The following IL20RA variants were observed in gnomAD, a reference collection of about 807,000 sequenced individuals.
IL20RA encodes the protein interleukin-20 receptor subunit alpha.
A neutral mutation model predicts 36.5 loss-of-function variants in IL20RA; 29 were observed. The ratio of observed to expected loss-of-function variants is 0.79; its 90% CI spans 0.59 to 1.08. IL20RA has a LOEUF of 1.08. IL20RA is among the 50% of genes least tolerant of loss of function. IL20RA has a pLI of 0.00. For missense variants in IL20RA, 652 were observed against 668.4 expected (o/e 0.98, Z 0.27); for synonymous variants, 279 against 267.1 (o/e 1.04, Z -0.43).
At chr6:137,007,303 A>C (rs1472752879) in intron 5 of IL20RA, among the ~76,000 whole-genome samples, 1 of 152,262 alleles carries the variant, frequency 6.6e-6, no homozygotes, top group Non-Finnish European at 1.5e-5. Context: ...AAAGACAGAG[A>C]GTCAAAGGCA....
chr6:137,009,718 G>A (rs1482836211), intron 3 of IL20RA, among the ~76,000 whole-genome samples: 1 of 146,992 alleles, frequency 6.8e-6, no homozygotes, highest in Non-Finnish European at 1.5e-5. Flanking sequence ...CGATTCTCCT[G>A]CCTCAGCCTC....
At position 137,025,800 on chromosome 6, in the gene IL20RA, A is replaced by T. The variant is rs377209632; in HGVS notation, c.89-8697T>A. Among the ~76,000 whole-genome samples, 38 of 152,212 alleles carry T rather than the reference A, an allele frequency of 2.5e-4. 3 individuals are homozygous for T. The highest frequency in any genetic ancestry group is 1.4e-3 in the Admixed American group (22 of 15,286). ...GCCATCTAAGTATGTTACAGTTTTA[A>T]TTATATGTCTGACAGTAAAAGTTGT... On this transcript the variant is annotated intron_variant, in intron 1 of 6. Transcript: ENST00000316649.
In IL20RA at chr6:137,044,931, C is replaced by T. The variant is rs1776850918; in HGVS notation, c.-203G>A. On this transcript the variant is annotated 5_prime_UTR_variant, in exon 1 of 7. Coordinates refer to ENST00000316649, the MANE Select transcript of IL20RA (RefSeq NM_014432.4). ...AACCAAGGGCGAGCGACTCGCGGAG[C>T]CCCCACGCGCGCTCCCCCGGCTACC... 2.6e-6 allele frequency: 1 copy of T among 384,286 alleles called. No homozygotes were observed. The highest frequency in any genetic ancestry group is 4.3e-6 in the Non-Finnish European group (1 of 230,652). 23.8% of individuals were successfully genotyped at this position (384,286 alleles called of 1,614,324 possible).
chr6:137,028,414 TAAAAAAAAAAAA>T (rs36068116), intron 1 of IL20RA, among the ~76,000 whole-genome samples: 2 of 117,288 alleles, frequency 1.7e-5, no homozygotes, highest in African/African-American at 3.3e-5. Flanking sequence ...AGACTCCATC[TAAAAAAAAAAAA>T]AAAAAAAAGA....
intron 5 of IL20RA, among the ~76,000 whole-genome samples, chr6:137,005,828 T>A (rs1775258123): frequency 6.6e-6 from 1 of 152,152 alleles, no homozygotes; most frequent in African/African-American, 2.4e-5. Flanking sequence ...TACCTTTGGG[T>A]GCGAACTGCA....
intron 1 of IL20RA, among the ~76,000 whole-genome samples, chr6:137,043,803 T>A (rs566993371): frequency 7.4e-4 from 113 of 152,270 alleles, no homozygotes; most frequent in African/African-American, 2.2e-3. Flanking sequence ...ATAATTTTTT[T>A]AAAAAGGGAT....
intron 1 of IL20RA, among the ~76,000 whole-genome samples, chr6:137,033,022 A>G (rs946821096): frequency 1.3e-5 from 2 of 152,240 alleles, no homozygotes; most frequent in African/African-American, 4.8e-5. Context: ...AGTCCCTTGT[A>G]TTAGTTTCCT....
At chr6:137,024,171 A>G (rs935919218) in intron 1 of IL20RA, among the ~76,000 whole-genome samples, 3 of 152,218 alleles carry the variant, frequency 2.0e-5, no homozygotes, top group African/African-American at 4.8e-5. Context: ...TAAAAAAGAA[A>G]TACGATTTGA....
intron 1 of IL20RA, among the ~76,000 whole-genome samples, chr6:137,020,499 A>C (rs1387383186): frequency 1.0e-5 from 1 of 96,514 alleles, no homozygotes; most frequent in South Asian, 4.9e-4. Context: ...AAAAAAAAAA[A>C]AAAACCCCTC....
At chr6:137,017,664 C>T (rs926982000) in intron 1 of IL20RA, among the ~76,000 whole-genome samples, 10 of 151,874 alleles carry the variant, frequency 6.6e-5, no homozygotes, top group African/African-American at 1.5e-4. Context: ...TAGGTGACCC[C>T]GAGAGGCCAG....
chr6:137,031,404 TTCAG>T (rs927352666), intron 1 of IL20RA, among the ~76,000 whole-genome samples: 5 of 152,196 alleles, frequency 3.3e-5, no homozygotes, highest in Non-Finnish European at 7.3e-5. Flanking sequence ...CAAAACAACG[TTCAG>T]TCAATGATGC....
chr6:137,002,423 T>G, intron 6 of IL20RA, 68 bp from the exon 7 acceptor site: 1 of 998,228 alleles, frequency 1.0e-6, no homozygotes, highest in South Asian at 1.7e-5. Context: ...AGCTGTTAGG[T>G]AGAATATCTT....
At chr6:137,043,774 TTTG>T (rs1455974243) in intron 1 of IL20RA, among the ~76,000 whole-genome samples, 1 of 152,204 alleles carries the variant, frequency 6.6e-6, no homozygotes, top group Non-Finnish European at 1.5e-5. Flanking sequence ...TTGGAGAAGC[TTTG>T]TTGTTGTTTT....
chr6:137,009,600 T>A, intron 3 of IL20RA, 108 bp from the exon 4 acceptor site: 1 of 12,652 alleles, frequency 7.9e-5, no homozygotes, highest in East Asian at 0.056. Flanking sequence ...CATCCTTTTT[T>A]TTTTTTTTTT....
intron 1 of IL20RA, among the ~76,000 whole-genome samples, chr6:137,022,852 A>G (rs891153942): frequency 7.9e-5 from 12 of 152,214 alleles, no homozygotes; most frequent in African/African-American, 2.9e-4. Flanking sequence ...TGCACCTACA[A>G]GCCAAGAAAT....
At chr6:137,015,084 G>T (rs1316685064) in intron 2 of IL20RA, among the ~76,000 whole-genome samples, 1 of 152,072 alleles carries the variant, frequency 6.6e-6, no homozygotes, top group Non-Finnish European at 1.5e-5. Flanking sequence ...CTTGAGTTCT[G>T]CTTTTGCTAA....
chr6:137,021,280 G>T (rs1459596967), intron 1 of IL20RA, among the ~76,000 whole-genome samples: 1 of 152,100 alleles, frequency 6.6e-6, no homozygotes, highest in Non-Finnish European at 1.5e-5. Context: ...GCAAAGAGGA[G>T]TTAAAAGAAT....
chr6:137,015,042 G>A (rs1461122383), intron 2 of IL20RA, among the ~76,000 whole-genome samples: 2 of 152,198 alleles, frequency 1.3e-5, no homozygotes, highest in African/African-American at 4.8e-5. Flanking sequence ...TCTGTTGAGT[G>A]TTGCCAGATT....
chr6:137,029,471 C>A (rs1375511418), intron 1 of IL20RA, among the ~76,000 whole-genome samples: 3 of 152,186 alleles, frequency 2.0e-5, no homozygotes, highest in African/African-American at 7.2e-5. Context: ...CGCTCCACTG[C>A]ACTTCTGCCT....
Sources: gnomAD v4.1 joint callset for allele counts (sites outside exome capture counted in the v4.1 genomes callset) on GRCh38, gnomAD v4.1.1 for gene constraint, MANE v1.5 for transcripts, NCBI Gene and HGNC (gene_info 2026-07-23, HGNC 2026-07-21) for gene names.